BICC1: variants seen among roughly 807,000 people sequenced by gnomAD.
The protein encoded by BICC1 is BicC family RNA binding protein 1.
BICC1 carries 43 observed loss-of-function variants against 111.0 expected under a neutral mutation model. That is an observed-to-expected ratio of 0.39 (90% CI 0.30 to 0.50). The LOEUF (loss-of-function observed/expected upper bound fraction) is 0.50. BICC1 is among the 20% of genes least tolerant of loss of function. The probability of loss-of-function intolerance (pLI) is 0.88; values close to 1 mark genes in which losing one functional copy is unlikely to be tolerated. For synonymous variants in BICC1, 467 were observed against 434.4 expected, an observed-to-expected ratio of 1.07 and a Z score of -0.93; for missense variants, 1,091 against 1,203.2, an observed-to-expected ratio of 0.91 and a Z score of 1.38.
chr10:58,737,845 T>A (rs1454511689), intron 3 of BICC1, among the ~76,000 whole-genome samples: 3 of 152,240 alleles, frequency 2.0e-5, no homozygotes, highest in African/African-American at 7.2e-5. Flanking sequence ...ACAGTGATGA[T>A]GAGCATTTTT....
chr10:58,545,185 A>G (rs1843104930), intron 1 of BICC1, among the ~76,000 whole-genome samples: 1 of 152,184 alleles, frequency 6.6e-6, no homozygotes, highest in South Asian at 2.1e-4. Flanking sequence ...TATTATGCTA[A>G]GAATTCAGGA....
chr10:58,774,487 A>G (rs942789722), intron 3 of BICC1, among the ~76,000 whole-genome samples: 1 of 152,210 alleles, frequency 6.6e-6, no homozygotes, highest in Non-Finnish European at 1.5e-5. Flanking sequence ...AGATATGAGT[A>G]TTTTTTGTGC....
At chr10:58,587,940 T>G (rs1844482597) in intron 1 of BICC1, among the ~76,000 whole-genome samples, 1 of 152,160 alleles carries the variant, frequency 6.6e-6, no homozygotes, top group African/African-American at 2.4e-5. Flanking sequence ...AGGAAGGGAC[T>G]TCTAGGATTT....
At chr10:58,727,821 CA>C (rs1841157566) in intron 3 of BICC1, among the ~76,000 whole-genome samples, 1 of 152,056 alleles carries the variant, frequency 6.6e-6, no homozygotes, top group Non-Finnish European at 1.5e-5. Context: ...CAGACTACCT[CA>C]ATAAAGCAAA....
rs145644665 is a variant in BICC1 at position 58,722,776 on chromosome 10, T to C, written c.307+20633T>C. 5.9e-3 allele frequency among the ~76,000 whole-genome samples: 892 copies of C among 152,286 alleles called. 9 individuals are homozygous for C. The highest frequency in any genetic ancestry group is 0.02 in the African/African-American group (841 of 41,556). On this transcript the variant is annotated intron_variant, in intron 3 of 20. Coordinates refer to ENST00000373886, the MANE Select transcript of BICC1 (RefSeq NM_001080512.3). ...TTCTTGGTGCATCAGTGGGTTGAGG[T>C]GAAATAAGTTTATTTTATAGTTTTG... is the stretch of plus-strand genomic sequence containing the variant.
At chr10:58,534,054 C>T (rs377241800) in intron 1 of BICC1, among the ~76,000 whole-genome samples, 46 of 151,784 alleles carry the variant, frequency 3.0e-4, no homozygotes, top group South Asian at 1.0e-3. Context: ...AGGACATACT[C>T]GGGCTGAAAG....
chr10:58,553,309 A>G (rs1459607008), intron 1 of BICC1, among the ~76,000 whole-genome samples: 1 of 152,194 alleles, frequency 6.6e-6, no homozygotes, highest in African/African-American at 2.4e-5. Flanking sequence ...ATTGGCAGTA[A>G]GTGAAAGAGG....
At chr10:58,736,381 A>G (rs1841468415) in intron 3 of BICC1, among the ~76,000 whole-genome samples, 1 of 920 alleles carries the variant, frequency 1.1e-3, no homozygotes, top group African/African-American at 1.2e-3. Context: ...TCTCTCAGAA[A>G]AAACAACATA....
intron 1 of BICC1, among the ~76,000 whole-genome samples, chr10:58,535,395 G>GAAACCT (rs1842799518): frequency 9.6e-6 from 1 of 104,382 alleles, no homozygotes; most frequent in South Asian, 2.9e-4. Context: ...CTTCTCAGCA[G>GAAACCT]AACAAACCAG....
At chr10:58,795,792 T>A (rs1043777310) in intron 9 of BICC1, among the ~76,000 whole-genome samples, 2 of 152,220 alleles carry the variant, frequency 1.3e-5, no homozygotes, top group African/African-American at 4.8e-5. Flanking sequence ...ATGTCACCAA[T>A]GAGGGATAGT....
chr10:58,634,083 C>T (rs1161931021), intron 2 of BICC1, among the ~76,000 whole-genome samples: 1 of 149,648 alleles, frequency 6.7e-6, no homozygotes, highest in African/African-American at 2.5e-5. Context: ...CAACCTCCAC[C>T]TCCCAGGTTC....
chr10:58,745,599 A>ACCCCCCCCCCCCC, intron 3 of BICC1, among the ~76,000 whole-genome samples: 1 of 41,740 alleles, frequency 2.4e-5, no homozygotes, highest in East Asian at 1.1e-3. Context: ...AGAGCCCCCC[A>ACCCCCCCCCCCCC]CCGCCCCCCC....
intron 1 of BICC1, among the ~76,000 whole-genome samples, chr10:58,565,011 AC>A (rs1431700018): frequency 1.3e-5 from 2 of 152,176 alleles, no homozygotes; most frequent in Admixed American, 6.5e-5. Flanking sequence ...GCTTCAACTT[AC>A]CTAGCCATCA....
chr10:58,758,235 A>G (rs1030334042), intron 3 of BICC1, among the ~76,000 whole-genome samples: 3 of 152,192 alleles, frequency 2.0e-5, no homozygotes, highest in African/African-American at 7.2e-5. Flanking sequence ...TAATCCATTC[A>G]TAAGTTTGCG....
chr10:58,743,631 T>G (rs1841740047), intron 3 of BICC1, among the ~76,000 whole-genome samples: 1 of 152,068 alleles, frequency 6.6e-6, no homozygotes, highest in Admixed American at 6.6e-5. Context: ...TCATGCTAGC[T>G]TCAGTGCAGG....
chr10:58,702,864 C>G (rs1840279656), intron 3 of BICC1, among the ~76,000 whole-genome samples: 1 of 152,092 alleles, frequency 6.6e-6, no homozygotes, highest in Non-Finnish European at 1.5e-5. Flanking sequence ...ATGACAAATA[C>G]CATCAAACAA....
At chr10:58,744,938 G>C (rs924838932) in intron 3 of BICC1, among the ~76,000 whole-genome samples, 14 of 152,132 alleles carry the variant, frequency 9.2e-5, no homozygotes, top group African/African-American at 3.1e-4. Flanking sequence ...GAGAAAGATT[G>C]ACCCATGTTG....
intron 2 of BICC1, among the ~76,000 whole-genome samples, chr10:58,688,155 A>T (rs1589023352): frequency 6.6e-6 from 1 of 152,062 alleles, no homozygotes; most frequent in Non-Finnish European, 1.5e-5. Context: ...AAGATTTATT[A>T]TGAAGAGTGA....
intron 2 of BICC1, among the ~76,000 whole-genome samples, chr10:58,669,875 C>T (rs181506672): frequency 2.3e-4 from 35 of 152,142 alleles, no homozygotes; most frequent in East Asian, 1.5e-3. Context: ...TGATTTCAAA[C>T]GGCATTAAAA....
Sources: gnomAD v4.1 joint callset for allele counts (sites outside exome capture counted in the v4.1 genomes callset) on GRCh38, gnomAD v4.1.1 for gene constraint, MANE v1.5 for transcripts, NCBI Gene and HGNC (gene_info 2026-07-23, HGNC 2026-07-21) for gene names.